Variants in OCSTAMP observed in about 807,000 individuals in gnomAD.
The protein encoded by OCSTAMP is osteoclast stimulatory transmembrane protein.
A neutral mutation model predicts 25.2 loss-of-function variants in OCSTAMP; 17 were observed. The observed-to-expected ratio is 0.68, with a 90% confidence interval of 0.46 to 1.01. The LOEUF is 1.01. OCSTAMP is among the 50% of genes least tolerant of loss of function. The pLI, the probability that OCSTAMP is intolerant of heterozygous loss-of-function variation, is 0.00. For missense variants in OCSTAMP, 664 were observed against 694.6 expected (o/e 0.96, Z 0.50); for synonymous variants, 345 against 318.9 (o/e 1.08, Z -0.87).
Position 46,541,520 on chromosome 20 carries a change from C to T in OCSTAMP, c.1455G>A (p.Arg485=), listed in dbSNP as rs947175643. Residue 485 remains arginine, a synonymous_variant, in exon 3 of 3, where the codon AGG becomes AGA. Transcript: ENST00000279028. ...ACKPPAWIDY[R]LDALRTESSE... Reference sequence around the variant, plus strand: ...TGCTCTCGGTTCTTAAGGCATCCAGCCTGTAGTCTATCCATGCCGGAGGCT... The same window carrying T: ...TGCTCTCGGTTCTTAAGGCATCCAGTCTGTAGTCTATCCATGCCGGAGGCT... 7 of 1,551,618 alleles carry T rather than the reference C, an allele frequency of 4.5e-6. No homozygotes were observed. The highest frequency in any genetic ancestry group is 3.9e-5 in the Admixed American group (2 of 50,990).
chr20:46,548,765 A>T (rs1302650102), intron 1 of OCSTAMP, among the ~76,000 whole-genome samples: 1 of 152,224 alleles, frequency 6.6e-6, no homozygotes, highest in Non-Finnish European at 1.5e-5. Context: ...AACAGCTTGA[A>T]GGATAAGCAT....
chr20:46,543,584 G>A lies in OCSTAMP; in HGVS notation c.1048-1657C>T, dbSNP rs180761465. 3.1e-3 allele frequency among the ~76,000 whole-genome samples: 470 copies of A among 151,994 alleles called. 1 individual carries two copies. Among genetic ancestry groups the A allele is most frequent in the Non-Finnish European group, 3.3e-3 (226 of 67,940 alleles). ...TGACCTCAGGTGATCCACCCACCTCGGCCTCCCAAAGTGCTGGGATTATAG... is the reference window on the plus strand; with the variant it reads ...TGACCTCAGGTGATCCACCCACCTCAGCCTCCCAAAGTGCTGGGATTATAG... On this transcript the variant is annotated intron_variant, in intron 2 of 2. Transcript: ENST00000279028.
intron 2 of OCSTAMP, among the ~76,000 whole-genome samples, chr20:46,543,816 C>T (rs142631431): frequency 6.6e-6 from 1 of 152,254 alleles, no homozygotes; most frequent in Non-Finnish European, 1.5e-5. Context: ...GTGTGACTTG[C>T]AATTGATGAC....
intron 1 of OCSTAMP, among the ~76,000 whole-genome samples, chr20:46,548,664 T>C (rs1469975858): frequency 6.6e-6 from 1 of 152,170 alleles, no homozygotes; most frequent in Non-Finnish European, 1.5e-5. Context: ...AGAAAGGTTA[T>C]ACGGGAATAT....
At chr20:46,550,065 C>A (rs1462237942) in intron 1 of OCSTAMP, among the ~76,000 whole-genome samples, 1 of 152,156 alleles carries the variant, frequency 6.6e-6, no homozygotes, top group East Asian at 1.9e-4. Context: ...CCCTTCCCAG[C>A]TCCCGAAGGC....
At chr20:46,550,191 A>G (rs1568899555) in intron 1 of OCSTAMP, among the ~76,000 whole-genome samples, 1 of 152,250 alleles carries the variant, frequency 6.6e-6, no homozygotes, top group South Asian at 2.1e-4. Context: ...AGCCAGTCCT[A>G]AGTCATATTG....
Position 46,541,083 on chromosome 20 carries a change from A to G in OCSTAMP, c.*191T>C, listed in dbSNP as rs1184972945. On this transcript the variant is annotated 3_prime_UTR_variant, in exon 3 of 3. Coordinates refer to ENST00000279028, the MANE Select transcript of OCSTAMP (RefSeq NM_080721.3). ...AAAATTAAAACTATGGGTTACTATA[A>G]ATGAGTTTAGAGGATTTTGAGGCAT... The G allele has an allele frequency of 1.8e-6, 1 of 568,542 alleles. No homozygotes were observed. Among genetic ancestry groups the G allele is most frequent in the African/African-American group, 1.9e-5 (1 of 53,582 alleles). 35.2% of individuals were successfully genotyped at this position (568,542 alleles called of 1,614,324 possible).
rs2061833707 is a variant in OCSTAMP, at chr20:46,541,438, G to C, written c.1537C>G (p.Pro513Ala). 10 of 1,507,702 alleles carry C rather than the reference G, an allele frequency of 6.6e-6. No homozygotes were observed. Among genetic ancestry groups the C allele is most frequent in the Non-Finnish European group, 8.1e-6 (9 of 1,106,794 alleles). 93.4% of individuals were successfully genotyped at this position (1,507,702 alleles called of 1,614,324 possible). ...AAGGTCACACAGGGAGGCGGCACAG[G>C]ACCAAGGTTACAACTCAGGTCTCTG... The part of the protein sequence containing the change: ...SCRDLSCNLG[P>A]VPPPCVTLGK... The change falls in exon 3 of 3, where the codon CCT (proline) becomes GCT (alanine). Residue 513 changes from proline to alanine, a missense_variant. Coordinates refer to ENST00000279028, the MANE Select transcript of OCSTAMP (RefSeq NM_080721.3).
Position 46,542,192 on chromosome 20 carries a change from G to C in OCSTAMP, c.1048-265C>G, listed in dbSNP as rs193170567. ...GAAAACAAATTGTCTATGGATGTTT[G>C]CTCCTTGCTGAGTCCTTACTGAATA... On this transcript the variant is annotated intron_variant, in intron 2 of 2. Coordinates refer to ENST00000279028, the MANE Select transcript of OCSTAMP (RefSeq NM_080721.3). Among the ~76,000 whole-genome samples, 105 of 152,316 alleles carry C rather than the reference G, an allele frequency of 6.9e-4. 3 individuals are homozygous for C. The South Asian group carries it at 0.017, about 24-fold the overall frequency.
rs1296508819 is a variant in OCSTAMP at position 46,546,105 on chromosome 20, A to G, written c.269T>C (p.Leu90Pro). The change falls in exon 2 of 3, where the codon CTC becomes CCC. Residue 90 changes from leucine to proline, a missense_variant. Leu to Pro is a moderately conservative substitution (Grantham distance 98). Transcript: ENST00000279028. ...PSAMVATVCG[L>P]LVFLSLGLVP... ...CAGGCCCAGGCTCAGGAAGACCAGG[A>G]GGCCACAGACAGTGGCAACCATGGC... The G allele has an allele frequency of 1.3e-6, 2 of 1,551,782 alleles. No homozygotes were observed. The highest frequency in any genetic ancestry group is 2.4e-5 in the South Asian group (2 of 84,062).
chr20:46,549,794 T>C (rs2061864674), intron 1 of OCSTAMP, among the ~76,000 whole-genome samples: 1 of 31,660 alleles, frequency 3.2e-5, no homozygotes, highest in Admixed American at 3.1e-4. Flanking sequence ...AAATGTGCCT[T>C]ATTGTGGCCC....
intron 2 of OCSTAMP, among the ~76,000 whole-genome samples, chr20:46,542,264 G>A (rs1456443439): frequency 6.6e-6 from 1 of 152,162 alleles, no homozygotes; most frequent in Non-Finnish European, 1.5e-5. Context: ...TATGGGTCGA[G>A]CCCAGGAGGA....
chr20:46,541,548 C>G lies in OCSTAMP; in HGVS notation c.1427G>C (p.Cys476Ser). The G allele has an allele frequency of 2.6e-6, 4 of 1,551,738 alleles. No individual in the cohort carries two copies. Among genetic ancestry groups the G allele is most frequent in the Non-Finnish European group, 3.5e-6 (4 of 1,146,982 alleles). ...PSCVPTPRPA[C>S]KPPAWIDYRL... ...GTAGTCTATCCATGCCGGAGGCTTG[C>G]AGGCAGGTCTGGGTGTGGGGACGCA... The change falls in exon 3 of 3, where the codon TGC becomes TCC. Residue 476 changes from cysteine (C) to serine (S), a missense_variant. Transcript: ENST00000279028.
rs563810811 is a variant in OCSTAMP at position 46,542,221 on chromosome 20, T to C, written c.1048-294A>G. Among the ~76,000 whole-genome samples the C allele has an allele frequency of 2.6e-5, 4 of 152,204 alleles. No individual in the cohort carries two copies. In the South Asian group the frequency reaches 8.3e-4, roughly 32 times the overall value. Reference sequence around the variant, plus strand: ...CTTGCTGAGTCCTTACTGAATACTTTAGATGTCCTATTCCATCCAATATAC... The same window carrying C: ...CTTGCTGAGTCCTTACTGAATACTTCAGATGTCCTATTCCATCCAATATAC... On this transcript the variant is annotated intron_variant, in intron 2 of 2. Coordinates refer to ENST00000279028, the MANE Select transcript of OCSTAMP (RefSeq NM_080721.3).
At chr20:46,548,458 T>TGACC (rs2061860233) in intron 1 of OCSTAMP, among the ~76,000 whole-genome samples, 1 of 152,164 alleles carries the variant, frequency 6.6e-6, no homozygotes, top group Admixed American at 6.5e-5. Context: ...TTTGCTCAGG[T>TGACC]TGGCAGGAAG....
chr20:46,545,777 G>A lies in OCSTAMP; in HGVS notation c.597C>T (p.His199=), dbSNP rs1568898024. ...AQDNGSAFYL[H]MLRVTQQVLE... ...GGACCTGCTGAGTGACCCTGAGCAT[G>A]TGAAGGTAGAAGGCAGAGCCATTGT... is the stretch of plus-strand genomic sequence containing the variant. The change falls in exon 2 of 3, where the codon CAC becomes CAT. Residue 199 remains histidine, a synonymous_variant. Coordinates refer to ENST00000279028, the MANE Select transcript of OCSTAMP (RefSeq NM_080721.3). 1 of 1,551,548 alleles carries A rather than the reference G, an allele frequency of 6.4e-7. No individual in the cohort carries two copies. Among genetic ancestry groups the A allele is most frequent in the Non-Finnish European group, 8.7e-7 (1 of 1,147,010 alleles).
At chr20:46,543,597 G>A (rs565406382) in intron 2 of OCSTAMP, among the ~76,000 whole-genome samples, 1 of 152,156 alleles carries the variant, frequency 6.6e-6, no homozygotes, top group Non-Finnish European at 1.5e-5. Flanking sequence ...CTCCCAAAGT[G>A]CTGGGATTAT....
chr20:46,547,477 A>G (rs2061856809), intron 1 of OCSTAMP, among the ~76,000 whole-genome samples: 1 of 152,202 alleles, frequency 6.6e-6, no homozygotes, highest in Admixed American at 6.5e-5. Flanking sequence ...GGGCTCTTAG[A>G]TAAGGAGGAA....
At position 46,541,595 on chromosome 20, in the gene OCSTAMP, C is replaced by G; in HGVS notation, c.1380G>C (p.Gln460His). The G allele has an allele frequency of 6.4e-7, 1 of 1,551,660 alleles. No homozygotes were observed. The highest frequency in any genetic ancestry group is 8.7e-7 in the Non-Finnish European group (1 of 1,147,000). ...QRRHDRHQGQ[Q>H]LPLGDPSCVP... ...CGCAAGAAGGATCCCCTAGGGGCAG[C>G]TGCTGGCCTTGGTGCCTGTCGTGTC... Residue 460 changes from glutamine to histidine, a missense_variant, in exon 3 of 3, where the codon CAG (glutamine) becomes CAC (histidine). Physicochemically the swap from Gln to His is conservative, Grantham distance 24. Coordinates refer to ENST00000279028, the MANE Select transcript of OCSTAMP (RefSeq NM_080721.3).
Sources: allele counts gnomAD v4.1 joint callset (sites outside exome capture counted in the v4.1 genomes callset), GRCh38; gene constraint gnomAD v4.1.1; transcripts MANE v1.5; gene names NCBI Gene and HGNC (gene_info 2026-07-23, HGNC 2026-07-21).